The following SPAG16 variants were observed in gnomAD, a reference collection of about 807,000 sequenced individuals.
SPAG16 encodes the protein sperm associated antigen 16.
In SPAG16, 86 loss-of-function variants were observed where a neutral mutation model predicts 80.4. That is an observed-to-expected ratio of 1.07 (90% CI 0.90 to 1.28). SPAG16 has a LOEUF of 1.28. Among genes scored for constraint, SPAG16 ranks in the 50% most tolerant of loss-of-function variants. The probability of loss-of-function intolerance (pLI) is 0.00; values close to 1 mark genes in which losing one functional copy is unlikely to be tolerated. For missense variants in SPAG16, 870 were observed against 765.3 expected, an observed-to-expected ratio of 1.14 and a Z score of -1.61; for synonymous variants, 294 against 265.9, an observed-to-expected ratio of 1.11 and a Z score of -1.03.
chr2:213,906,941 T>C (rs2106149509), intron 11 of SPAG16, among the ~76,000 whole-genome samples: 1 of 143,370 alleles, frequency 7.0e-6, no homozygotes, highest in South Asian at 2.4e-4. Flanking sequence ...CTTCAGGACA[T>C]TATTCTAGAC....
intron 13 of SPAG16, among the ~76,000 whole-genome samples, chr2:214,026,218 A>G (rs190457356): frequency 6.6e-6 from 1 of 151,406 alleles, no homozygotes; most frequent in African/African-American, 2.4e-5. Flanking sequence ...ATATATACAT[A>G]CATGCATATA....
chr2:214,060,960 G>C (rs567622090), intron 13 of SPAG16, among the ~76,000 whole-genome samples: 31 of 152,326 alleles, frequency 2.0e-4, no homozygotes, highest in African/African-American at 7.5e-4. Flanking sequence ...CTACTTGAGT[G>C]ATGGGAACAA....
intron 10 of SPAG16, among the ~76,000 whole-genome samples, chr2:213,548,512 T>C (rs1317454344): frequency 1.3e-5 from 2 of 152,186 alleles, no homozygotes; most frequent in East Asian, 1.9e-4. Flanking sequence ...CGCCCGACCC[T>C]TACAGCATTT....
intron 15 of SPAG16, among the ~76,000 whole-genome samples, chr2:214,177,653 T>C (rs1035983605): frequency 6.6e-6 from 1 of 150,642 alleles, no homozygotes; most frequent in African/African-American, 2.4e-5. Context: ...AAAATGCTTC[T>C]TATGGAAGTT....
chr2:213,657,464 A>G (rs923252355), intron 10 of SPAG16, among the ~76,000 whole-genome samples: 1 of 152,186 alleles, frequency 6.6e-6, no homozygotes, highest in African/African-American at 2.4e-5. Flanking sequence ...TAAAAAATTG[A>G]TTGTCTAATA....
chr2:213,590,690 G>A lies in SPAG16; in HGVS notation c.1070+100600G>A, dbSNP rs538151202. On this transcript the variant is annotated intron_variant, in intron 10 of 15. Coordinates refer to ENST00000331683, the MANE Select transcript of SPAG16 (RefSeq NM_024532.5). The stretch of plus-strand genomic sequence containing the variant: ...GTTGTGGAGAAAATGGAACGCTTAT[G>A]TGCTGTTGGTGGGAATGCAAATTAG... Among the ~76,000 whole-genome samples, 12 of 152,246 alleles carry A rather than the reference G, an allele frequency of 7.9e-5. No homozygotes were observed. The East Asian group carries it at 2.3e-3, about 29-fold the overall frequency.
At position 213,332,752 on chromosome 2, in the gene SPAG16, C is replaced by G. The variant is rs183729028; in HGVS notation, c.537-7411C>G. 2.0e-4 allele frequency among the ~76,000 whole-genome samples: 30 copies of G among 152,176 alleles called. No homozygotes were observed. In the East Asian group the frequency reaches 5.0e-3, roughly 25 times the overall value. ...AGTTAATCAGTGTGATACATTACAT[C>G]AAAAGAATGAACAACAAAAACCATA... On this transcript the variant is annotated intron_variant, in intron 5 of 15. Coordinates refer to ENST00000331683, the MANE Select transcript of SPAG16 (RefSeq NM_024532.5).
At chr2:213,456,171 ATTAAG>A (rs745561209) in intron 9 of SPAG16, among the ~76,000 whole-genome samples, 1 of 152,190 alleles carries the variant, frequency 6.6e-6, no homozygotes, top group Non-Finnish European at 1.5e-5. Flanking sequence ...TCATATTGTT[ATTAAG>A]TTTTTTCATG....
intron 12 of SPAG16, among the ~76,000 whole-genome samples, chr2:213,931,680 T>G (rs1308592589): frequency 6.6e-6 from 1 of 152,162 alleles, no homozygotes; most frequent in African/African-American, 2.4e-5. Flanking sequence ...CACTTTGACT[T>G]GACAACTTTT....
At chr2:214,042,013 C>G (rs745944049) in intron 13 of SPAG16, among the ~76,000 whole-genome samples, 26 of 133,892 alleles carry the variant, frequency 1.9e-4, no homozygotes, top group African/African-American at 5.9e-4. Flanking sequence ...TATATACACA[C>G]ACACACAAAT....
At chr2:213,808,333 C>T (rs1172630698) in intron 10 of SPAG16, among the ~76,000 whole-genome samples, 5 of 152,140 alleles carry the variant, frequency 3.3e-5, no homozygotes, top group Non-Finnish European at 7.4e-5. Flanking sequence ...AACTAAAAAA[C>T]GAAAGAACAG....
intron 7 of SPAG16, among the ~76,000 whole-genome samples, chr2:213,363,378 T>C (rs993563442): frequency 6.6e-5 from 10 of 152,104 alleles, no homozygotes; most frequent in Non-Finnish European, 1.2e-4. Context: ...TTATAATTAA[T>C]AAATTATGTT....
chr2:213,377,440 T>C (rs1317699794), intron 9 of SPAG16, among the ~76,000 whole-genome samples: 3 of 152,222 alleles, frequency 2.0e-5, no homozygotes, highest in Non-Finnish European at 4.4e-5. Flanking sequence ...TAGTCAAGTG[T>C]GTGTTTACTC....
intron 10 of SPAG16, among the ~76,000 whole-genome samples, chr2:213,655,271 T>C (rs2063178700): frequency 6.6e-6 from 1 of 152,198 alleles, no homozygotes; most frequent in Non-Finnish European, 1.5e-5. Flanking sequence ...TCCGTTTTTC[T>C]GTGAACCCAG....
intron 10 of SPAG16, among the ~76,000 whole-genome samples, chr2:213,776,846 C>A (rs544599115): frequency 5.8e-4 from 73 of 125,804 alleles, no homozygotes; most frequent in Middle Eastern, 5.2e-3. Context: ...CACCCCAGGA[C>A]CCGAGCATTA....
intron 10 of SPAG16, among the ~76,000 whole-genome samples, chr2:213,808,787 T>C (rs918139005): frequency 2.0e-5 from 3 of 152,102 alleles, no homozygotes; most frequent in Non-Finnish European, 2.9e-5. Context: ...GAAGCAGAGA[T>C]AGAAGAGTAA....
intron 10 of SPAG16, among the ~76,000 whole-genome samples, chr2:213,681,236 G>C (rs1319204329): frequency 6.6e-6 from 1 of 152,118 alleles, no homozygotes; most frequent in African/African-American, 2.4e-5. Flanking sequence ...TATATTTTGG[G>C]GTTAAATATT....
chr2:214,206,335 A>T (rs1010838735), intron 15 of SPAG16, among the ~76,000 whole-genome samples: 2 of 151,974 alleles, frequency 1.3e-5, no homozygotes, highest in African/African-American at 4.8e-5. Flanking sequence ...CCTTCATGAG[A>T]TTAACGTTTT....
At chr2:214,404,016 A>G (rs563386617) in intron 15 of SPAG16, among the ~76,000 whole-genome samples, 2 of 152,320 alleles carry the variant, frequency 1.3e-5, no homozygotes, top group Non-Finnish European at 2.9e-5. Context: ...AGGGACCATG[A>G]GGACAGCTAG....
Sources: gnomAD v4.1 joint callset for allele counts (sites outside exome capture counted in the v4.1 genomes callset) on GRCh38, gnomAD v4.1.1 for gene constraint, MANE v1.5 for transcripts, NCBI Gene and HGNC (gene_info 2026-07-23, HGNC 2026-07-21) for gene names.